Variants in GOLT1B observed in about 807,000 individuals in gnomAD.
GOLT1B encodes the protein golgi transport 1B.
A neutral mutation model predicts 15.4 loss-of-function variants in GOLT1B; 3 were observed. That is an observed-to-expected ratio of 0.19 (90% confidence interval 0.09 to 0.50). The LOEUF is 0.50. GOLT1B is among the 20% of genes least tolerant of loss of function. The pLI is 0.97. For synonymous variants in GOLT1B, 65 were observed against 56.2 expected, an observed-to-expected ratio of 1.16 and a Z score of -0.70; for missense variants, 145 against 160.4, an observed-to-expected ratio of 0.90 and a Z score of 0.52.
At position 21,515,739 on chromosome 12, in the gene GOLT1B, A is replaced by G. The variant is rs1226775229; in HGVS notation, c.*32A>G. On this transcript the variant is annotated 3_prime_UTR_variant, in exon 5 of 5. Coordinates refer to ENST00000229314, the MANE Select transcript of GOLT1B (RefSeq NM_016072.5). ...GTGAATTTGAAGACTCATTTAAAAT[A>G]TTGTGTTATTTATAAAGTCATTTGA... is the stretch of plus-strand genomic sequence containing the variant. The G allele has an allele frequency of 3.2e-6, 3 of 949,372 alleles. No individual in the cohort carries two copies. The highest frequency in any genetic ancestry group is 2.9e-5 in the South Asian group (2 of 70,002). The allele number at this position is 949,372 out of a possible 1,614,324, so 58.8% of individuals were successfully genotyped here.
chr12:21,512,507 A>G (rs1040750782), intron 4 of GOLT1B, 131 bp downstream of exon 4: 3 of 588,964 alleles, frequency 5.1e-6, no homozygotes, highest in South Asian at 4.8e-5. Context: ...CACATAGATC[A>G]TGAGTACCAT....
chr12:21,502,864 G>T (rs1262050921), intron 1 of GOLT1B, among the ~76,000 whole-genome samples: 1 of 152,130 alleles, frequency 6.6e-6, no homozygotes, highest in Non-Finnish European at 1.5e-5. Flanking sequence ...TTTCACTCCA[G>T]TTAACTCAGA....
At chr12:21,509,292 G>C (rs555939843) in intron 3 of GOLT1B, among the ~76,000 whole-genome samples, 100 of 149,268 alleles carry the variant, frequency 6.7e-4, no homozygotes, top group African/African-American at 2.3e-3. Context: ...CTAGCTACTC[G>C]GGAGGCTGAG....
intron 2 of GOLT1B, 167 bp from the exon 3 acceptor site, chr12:21,508,216 C>T: frequency 1.7e-6 from 1 of 585,330 alleles, no homozygotes; most frequent in Admixed American, 3.4e-5. Context: ...TAACCCACTC[C>T]TTGGTTCTGC....
chr12:21,508,793 T>A (rs1943697728), intron 3 of GOLT1B, among the ~76,000 whole-genome samples: 1 of 152,202 alleles, frequency 6.6e-6, no homozygotes, highest in African/African-American at 2.4e-5. Context: ...AAGTTTATTT[T>A]ATTGGCATTT....
rs962905486 is a variant in GOLT1B, at chr12:21,515,872, A to C, written c.*165A>C. On this transcript the variant is annotated 3_prime_UTR_variant, in exon 5 of 5. Transcript: ENST00000229314. Reference sequence around the variant, plus strand: ...ACCAGCAGCAAATTAGCAAAGAAGCAGTGAAAACAGGCTTCTACTCAAGTG... The same window carrying C: ...ACCAGCAGCAAATTAGCAAAGAAGCCGTGAAAACAGGCTTCTACTCAAGTG... 2.0e-6 allele frequency: 1 copy of C among 491,502 alleles called. No homozygotes were observed. Among genetic ancestry groups the C allele is most frequent in the African/African-American group, 2.0e-5 (1 of 49,366 alleles). 30.4% of individuals were successfully genotyped at this position (491,502 alleles called of 1,614,324 possible). A position where few individuals can be genotyped will look rare whatever the true frequency, so the allele number is the denominator to read the frequency against.
chr12:21,510,905 T>G (rs535894049), intron 3 of GOLT1B, among the ~76,000 whole-genome samples: 1 of 152,326 alleles, frequency 6.6e-6, no homozygotes, highest in Admixed American at 6.5e-5. Context: ...ACAGCTTTTT[T>G]TCTGTACTCG....
Position 21,516,852 on chromosome 12 carries a change from G to A in GOLT1B, c.*1145G>A, listed in dbSNP as rs1021370492. On this transcript the variant is annotated 3_prime_UTR_variant, in exon 5 of 5. Transcript: ENST00000229314. ...TTAATTAGAAAATACCTGAGTTCAC[G>A]TGCTAAAGTCATTTCACTGTAATAA... is the stretch of plus-strand genomic sequence containing the variant. 3.3e-5 allele frequency: 5 copies of A among 152,062 alleles called. No homozygotes were observed. Among genetic ancestry groups the A allele is most frequent in the East Asian group, 1.9e-4 (1 of 5,186 alleles). The allele number at this position is 152,062 out of a possible 1,614,324, so 9.4% of individuals were successfully genotyped here.
intron 3 of GOLT1B, among the ~76,000 whole-genome samples, chr12:21,508,889 G>GTAGATAGATAGATAGA (rs60378515): frequency 4.4e-4 from 29 of 65,380 alleles, no homozygotes; most frequent in African/African-American, 6.1e-4. Flanking sequence ...AGGTAGGTAG[G>GTAGATAGATAGATAGA]TAGATAGATA....
intron 1 of GOLT1B, among the ~76,000 whole-genome samples, chr12:21,504,214 TA>T (rs1476296205): frequency 1.3e-5 from 2 of 152,236 alleles, no homozygotes; most frequent in Non-Finnish European, 2.9e-5. Flanking sequence ...GACAGTTTTT[TA>T]AACATGTGGG....
intron 4 of GOLT1B, among the ~76,000 whole-genome samples, chr12:21,512,733 C>T (rs895156061): frequency 8.6e-5 from 13 of 152,034 alleles, no homozygotes; most frequent in African/African-American, 3.1e-4. Flanking sequence ...TTATTTCCTA[C>T]AAATATTTTG....
Position 21,503,374 on chromosome 12 carries a change from C to G in GOLT1B, c.25+1426C>G, listed in dbSNP as rs74452475. Among the ~76,000 whole-genome samples, 3 of 152,246 alleles carry G rather than the reference C, an allele frequency of 2.0e-5. No individual in the cohort carries two copies. The South Asian group carries it at 6.2e-4, about 32-fold the overall frequency. ...AAAAGTGACAGAAACAAAACTTGAT[C>G]CCAGGTGTGCTGGCTCAGAAACCTT... is the stretch of plus-strand genomic sequence containing the variant. On this transcript the variant is annotated intron_variant, in intron 1 of 4. Coordinates refer to ENST00000229314, the MANE Select transcript of GOLT1B (RefSeq NM_016072.5).
chr12:21,505,199 A>G (rs189405333), intron 1 of GOLT1B, among the ~76,000 whole-genome samples: 35 of 152,314 alleles, frequency 2.3e-4, no homozygotes, highest in African/African-American at 7.7e-4. Context: ...TTCTCAGTAC[A>G]TAGTAGGTGT....
chr12:21,514,810 T>C (rs770644792), intron 4 of GOLT1B, among the ~76,000 whole-genome samples: 9 of 152,110 alleles, frequency 5.9e-5, no homozygotes, highest in Non-Finnish European at 1.2e-4. Flanking sequence ...CCCAATACAA[T>C]AGAATATGTT....
intron 1 of GOLT1B, chr12:21,504,723 T>G (rs1292555491): frequency 4.6e-5 from 19 of 413,906 alleles, no homozygotes; most frequent in Non-Finnish European, 8.3e-5. Flanking sequence ...CTCACAATTT[T>G]GTTAAAGAAA....
chr12:21,503,400 T>C (rs1156634538), intron 1 of GOLT1B, among the ~76,000 whole-genome samples: 1 of 152,216 alleles, frequency 6.6e-6, no homozygotes, highest in Non-Finnish European at 1.5e-5. Context: ...CAGAAACCTT[T>C]TGCACTGTAC....
intron 2 of GOLT1B, chr12:21,507,250 G>C (rs186602067): frequency 6.2e-6 from 2 of 320,352 alleles, no homozygotes; most frequent in African/African-American, 4.4e-5. Context: ...CTAAATAGGA[G>C]TTCAAAATAG....
In GOLT1B at chr12:21,508,543, G is replaced by C. The variant is rs779300870; in HGVS notation, c.278G>C (p.Gly93Ala). 1.3e-6 allele frequency: 2 copies of C among 1,564,554 alleles called. No individual in the cohort carries two copies. The highest frequency in any genetic ancestry group is 3.4e-5 in the Admixed American group (2 of 58,938). The change falls in exon 3 of 5, where the codon GGA (glycine) becomes GCA (alanine). Residue 93 changes from glycine (G) to alanine (A), a missense_variant. By Grantham distance (60) the Gly-to-Ala change is moderately conservative. Transcript: ENST00000229314. ...ATAGGCATGATCTTCGAAATTTATG[G>C]ATTTTTTCTCTTGTTCAGGTAAGGC... ...PLIGMIFEIY[G>A]FFLLFRGFFP...
intron 1 of GOLT1B, among the ~76,000 whole-genome samples, chr12:21,506,159 T>C (rs530114962): frequency 6.6e-6 from 1 of 152,190 alleles, no homozygotes; most frequent in Admixed American, 6.5e-5. Flanking sequence ...AATATTAATA[T>C]TAGGTAAAAC....
Sources: gnomAD v4.1 joint callset for allele counts (sites outside exome capture counted in the v4.1 genomes callset) on GRCh38, gnomAD v4.1.1 for gene constraint, MANE v1.5 for transcripts, NCBI Gene and HGNC (gene_info 2026-07-23, HGNC 2026-07-21) for gene names.